Variants in TENM2 observed in about 807,000 individuals in gnomAD.
The protein encoded by TENM2 is teneurin-2.
In TENM2, 52 loss-of-function variants were observed where a neutral mutation model predicts 245.2. That is an observed-to-expected ratio of 0.21 (90% confidence interval 0.17 to 0.27). The LOEUF is 0.27. Among genes scored for constraint, TENM2 ranks in the 10% least tolerant of loss-of-function variants. TENM2 has a pLI of 1.00. For missense variants in TENM2, 3,046 were observed against 3,666.8 expected (o/e 0.83, Z 4.37); for synonymous variants, 1,363 against 1,438.9 (o/e 0.95, Z 1.19).
At chr5:167,052,641 T>C in the TENM2 span, among the ~76,000 whole-genome samples, 2 of 152,214 alleles carry the variant, frequency 1.3e-5, no homozygotes, top group East Asian at 1.9e-4. Flanking sequence ...ATTGATTTAA[T>C]ATACTAGGTT....
At chr5:167,380,020 G>A (rs1761003441) in intron 2 of TENM2, among the ~76,000 whole-genome samples, 1 of 150,200 alleles carries the variant, frequency 6.7e-6, no homozygotes, top group African/African-American at 2.5e-5. Flanking sequence ...TTATATACCT[G>A]TACATTTAAA....
chr5:168,060,562 C>T (rs1459525676), intron 6 of TENM2, among the ~76,000 whole-genome samples: 1 of 152,176 alleles, frequency 6.6e-6, no homozygotes, highest in African/African-American at 2.4e-5. Flanking sequence ...AACTTCCTTT[C>T]GGACCTCATT....
rs966415684 is a variant in TENM2 at position 167,310,464 on chromosome 5, T to A, written c.226+25401T>A. ...GATGCTATCACCTGGCACTTGTTTT[T>A]TTCAAAAAATAAAAAAAGAAAAAAG... On this transcript the variant is annotated intron_variant, in intron 1 of 28. Coordinates refer to ENST00000518659, the Ensembl canonical transcript of TENM2. Among the ~76,000 whole-genome samples, 5 of 152,166 alleles carry A rather than the reference T, an allele frequency of 3.3e-5. 1 individual carries two copies. Among genetic ancestry groups the A allele is most frequent in the Admixed American group, 2.0e-4 (3 of 15,270 alleles).
intron 2 of TENM2, among the ~76,000 whole-genome samples, chr5:167,673,474 C>A (rs1342224019): frequency 6.6e-6 from 1 of 152,014 alleles, no homozygotes; most frequent in Admixed American, 6.6e-5. Flanking sequence ...CTACTAAAGC[C>A]CTTGACATTT....
exon 29 of TENM2, chr5:168,262,105 G>C (rs1427413829): frequency 1.2e-6 from 2 of 1,614,006 alleles, no homozygotes; most frequent in South Asian, 1.1e-5. Context: ...TCATGGCTCT[G>C]GAAGGACAGG....
the TENM2 span, among the ~76,000 whole-genome samples, chr5:167,079,976 A>G: frequency 4.7e-3 from 710 of 152,348 alleles, 6 homozygotes; most frequent in African/African-American, 0.016. Flanking sequence ...TCCTGATGAC[A>G]GTATAATGAA....
intron 2 of TENM2, among the ~76,000 whole-genome samples, chr5:167,827,150 A>G (rs776002606): frequency 2.6e-5 from 4 of 152,198 alleles, no homozygotes; most frequent in African/African-American, 4.8e-5. Context: ...TTTTAACCAG[A>G]TAACGAAAAA....
At chr5:167,178,885 A>G in the TENM2 span, among the ~76,000 whole-genome samples, 1 of 152,196 alleles carries the variant, frequency 6.6e-6, no homozygotes, top group Non-Finnish European at 1.5e-5. Flanking sequence ...TGAATTATCC[A>G]ACTTTTTCTT....
chr5:167,882,152 G>A (rs1234050793), intron 3 of TENM2, among the ~76,000 whole-genome samples: 1 of 152,194 alleles, frequency 6.6e-6, no homozygotes, highest in Non-Finnish European at 1.5e-5. Context: ...GACAGTGAAA[G>A]CGTTGTATTA....
At chr5:167,008,605 A>G in the TENM2 span, among the ~76,000 whole-genome samples, 1 of 152,030 alleles carries the variant, frequency 6.6e-6, no homozygotes, top group Non-Finnish European at 1.5e-5. Flanking sequence ...TTAGCAGTTT[A>G]TTTTTCATTT....
chr5:167,332,071 T>C (rs576196041), intron 1 of TENM2, among the ~76,000 whole-genome samples: 104 of 152,314 alleles, frequency 6.8e-4, no homozygotes, highest in Non-Finnish European at 9.6e-4. Context: ...TCAAAGTTAT[T>C]TCTATATTCC....
intron 2 of TENM2, among the ~76,000 whole-genome samples, chr5:167,853,478 A>G (rs780891723): frequency 3.5e-4 from 53 of 152,076 alleles, no homozygotes; most frequent in Middle Eastern, 3.4e-3. Flanking sequence ...TGAGACATCC[A>G]TTTTAATCGA....
rs368587538 is a variant in TENM2, at chr5:167,669,570, C to CT, written c.503-206406dup. 8.6e-3 allele frequency among the ~76,000 whole-genome samples: 1,290 copies of CT among 149,170 alleles called. 15 individuals carry two copies. Among genetic ancestry groups the CT allele is most frequent in the African/African-American group, 0.027 (1,083 of 40,734 alleles). ...TCATTCACAAATATTATATATTGTG[C>CT]TTTTTTTTTTCTGATATCCCCCCCT... On this transcript the variant is annotated intron_variant, in intron 2 of 28. Coordinates refer to ENST00000518659, the Ensembl canonical transcript of TENM2.
the TENM2 span, among the ~76,000 whole-genome samples, chr5:166,985,640 T>A: frequency 6.6e-6 from 1 of 152,150 alleles, no homozygotes; most frequent in Non-Finnish European, 1.5e-5. Flanking sequence ...CAAATTTATT[T>A]ATTATATTTA....
chr5:168,119,356 G>A (rs1405136105), intron 10 of TENM2, among the ~76,000 whole-genome samples: 1 of 152,230 alleles, frequency 6.6e-6, no homozygotes, highest in Non-Finnish European at 1.5e-5. Context: ...TACAGGAACA[G>A]GGAGAAAGAG....
intron 12 of TENM2, among the ~76,000 whole-genome samples, chr5:168,144,803 A>C (rs1755895263): frequency 6.6e-6 from 1 of 152,158 alleles, no homozygotes; most frequent in South Asian, 2.1e-4. Context: ...CCAACAGTGT[A>C]AAAGTGTTCC....
the TENM2 span, among the ~76,000 whole-genome samples, chr5:167,210,132 A>G: frequency 2.0e-5 from 3 of 152,324 alleles, no homozygotes; most frequent in African/African-American, 7.2e-5. Context: ...TAAAGTAGGT[A>G]TCATTGTTAC....
chr5:167,101,849 T>TTATATATATGTATATATATATATA, the TENM2 span, among the ~76,000 whole-genome samples: 1 of 69,456 alleles, frequency 1.4e-5, no homozygotes, highest in Non-Finnish European at 2.6e-5. Flanking sequence ...ATATATATAT[T>TTATATATATGTATATATATATATA]TATATATATA....
chr5:167,233,494 A>G, the TENM2 span, among the ~76,000 whole-genome samples: 1 of 152,196 alleles, frequency 6.6e-6, no homozygotes, highest in Non-Finnish European at 1.5e-5. Flanking sequence ...CAGTATTTTC[A>G]CCAGGTTTCA....
Sources: allele counts gnomAD v4.1 joint callset (sites outside exome capture counted in the v4.1 genomes callset), GRCh38; gene constraint gnomAD v4.1.1; transcripts MANE v1.5; gene names NCBI Gene and HGNC (gene_info 2026-07-23, HGNC 2026-07-21).